The following CPEB1 variants were observed in gnomAD, a reference collection of about 807,000 sequenced individuals.
CPEB1 encodes the protein cytoplasmic polyadenylation element binding protein 1, also known as cytoplasmic polyadenylation element-binding protein 1.
A neutral mutation model predicts 65.8 loss-of-function variants in CPEB1; 7 were observed. The observed-to-expected ratio is 0.11, with a 90% CI of 0.06 to 0.20. The LOEUF (loss-of-function observed/expected upper bound fraction) is 0.20. Ranked by LOEUF, CPEB1 falls within the 10% of genes least tolerant of loss-of-function variation. CPEB1 has a pLI of 1.00. For synonymous variants in CPEB1, 262 were observed against 260.0 expected, an observed-to-expected ratio of 1.01 and a Z score of -0.08; for missense variants, 551 against 712.2, an observed-to-expected ratio of 0.77 and a Z score of 2.58.
chr15:82,577,355 G>A (rs1217453516), intron 3 of CPEB1, among the ~76,000 whole-genome samples: 1 of 151,422 alleles, frequency 6.6e-6, no homozygotes, highest in East Asian at 2.0e-4. Context: ...CACTGTGCCC[G>A]ACTGCAAAGG....
At chr15:82,604,409 G>A (rs1048859267) in intron 3 of CPEB1, among the ~76,000 whole-genome samples, 2 of 151,614 alleles carry the variant, frequency 1.3e-5, no homozygotes, top group African/African-American at 2.4e-5. Context: ...GAGAACCCAG[G>A]AGGCGGAGCT....
chr15:82,643,546 T>C (rs1192257921), intron 1 of CPEB1, among the ~76,000 whole-genome samples: 1 of 152,028 alleles, frequency 6.6e-6, no homozygotes, highest in Non-Finnish European at 1.5e-5. Flanking sequence ...GAAGAATTGC[T>C]TGAACCCCAG....
At chr15:82,644,124 T>C (rs1389219436) in intron 1 of CPEB1, among the ~76,000 whole-genome samples, 1 of 152,194 alleles carries the variant, frequency 6.6e-6, no homozygotes, top group Admixed American at 6.5e-5. Flanking sequence ...CTGACATACA[T>C]TGTGGAATGA....
chr15:82,592,623 T>C (rs1446386695), intron 3 of CPEB1, among the ~76,000 whole-genome samples: 6 of 150,548 alleles, frequency 4.0e-5, no homozygotes, highest in Admixed American at 2.0e-4. Context: ...GTCTATTAAA[T>C]GTGTAATAGC....
At position 82,543,935 on chromosome 15, in the gene CPEB1, T is replaced by C. The variant is rs1011589447; in HGVS notation, c.*657A>G. On this transcript the variant is annotated 3_prime_UTR_variant, in exon 13 of 13. Transcript: ENST00000684509. ...TTAAAAGCTGCCAGGAAAGAAAAAA[T>C]ATCTTGTTCCAAACGACTTAAAAAC... 1.3e-5 allele frequency: 2 copies of C among 152,012 alleles called. No individual in the cohort carries two copies. Among genetic ancestry groups the C allele is most frequent in the Non-Finnish European group, 2.9e-5 (2 of 67,994 alleles). 9.4% of individuals were successfully genotyped at this position (152,012 alleles called of 1,614,324 possible).
intron 3 of CPEB1, among the ~76,000 whole-genome samples, chr15:82,579,763 T>C (rs375593530): frequency 1.3e-3 from 186 of 148,548 alleles, no homozygotes; most frequent in African/African-American, 4.4e-3. Context: ...ATACAAAAAA[T>C]TAGCCGGGCG....
At chr15:82,552,666 TC>T in intron 8 of CPEB1, 50 bp from the exon 9 acceptor site, 1 of 1,564,878 alleles carries the variant, frequency 6.4e-7, no homozygotes, top group South Asian at 1.1e-5. Context: ...AGGTGGCCAC[TC>T]CTCAGCCTTG....
At position 82,573,182 on chromosome 15, in the gene CPEB1, G is replaced by C. The variant is rs569397889; in HGVS notation, c.272-1650C>G. 2.0e-6 allele frequency: 3 copies of C among 1,531,162 alleles called. No individual in the cohort carries two copies. In the African/African-American group the frequency reaches 4.1e-5, roughly 21 times the overall value. The allele number at this position is 1,531,162 out of a possible 1,614,324, so 94.8% of individuals were successfully genotyped here. On this transcript the variant is annotated intron_variant, in intron 3 of 12. Transcript: ENST00000684509. ...TCCTGCAGTACACCCTGTGTCCACA[G>C]GCACTCAGGCATAGCCTAGAAGGGA...
intron 3 of CPEB1, among the ~76,000 whole-genome samples, chr15:82,596,552 G>T (rs1459947626): frequency 6.6e-6 from 1 of 151,976 alleles, no homozygotes; most frequent in Non-Finnish European, 1.5e-5. Context: ...CAAAAAATTA[G>T]CTGGGCATGG....
chr15:82,608,712 G>C (rs957954367), intron 3 of CPEB1, among the ~76,000 whole-genome samples: 1 of 152,140 alleles, frequency 6.6e-6, no homozygotes, highest in Non-Finnish European at 1.5e-5. Flanking sequence ...TATGTAGGAA[G>C]AATTTCAGAG....
chr15:82,594,190 G>A (rs1454314067), intron 3 of CPEB1, among the ~76,000 whole-genome samples: 1 of 152,182 alleles, frequency 6.6e-6, no homozygotes, highest in Non-Finnish European at 1.5e-5. Flanking sequence ...TCTTCCAAGA[G>A]AAGGCTGTTT....
At chr15:82,631,187 A>G (rs1168778056) in intron 1 of CPEB1, among the ~76,000 whole-genome samples, 1 of 152,178 alleles carries the variant, frequency 6.6e-6, no homozygotes, top group Non-Finnish European at 1.5e-5. Flanking sequence ...AAAAAATCTA[A>G]TTTAGGAATG....
At chr15:82,632,680 A>C (rs755170440) in intron 1 of CPEB1, among the ~76,000 whole-genome samples, 1 of 151,368 alleles carries the variant, frequency 6.6e-6, no homozygotes, top group African/African-American at 2.4e-5. Flanking sequence ...ATGCCCAGCT[A>C]ATTTTTTTTT....
In CPEB1 at chr15:82,544,680, C is replaced by T; in HGVS notation, c.1679G>A (p.Arg560Gln). ...GCTGTGCCGCCAGTGCCAGCAGCTC[C>T]GGCAGAAGTATTTGAAGCAGACCTG... The part of the protein sequence containing the change: ...RDQVCFKYFC[R>Q]SCWHWRHSME... The change falls in exon 13 of 13, where the codon CGG becomes CAG. Residue 560 changes from arginine (R) to glutamine (Q), a missense_variant. Arg to Gln is a conservative substitution (Grantham distance 43, BLOSUM62 1). Transcript: ENST00000684509. 5 of 1,613,416 alleles carry T rather than the reference C, an allele frequency of 3.1e-6. No individual in the cohort carries two copies. The highest frequency in any genetic ancestry group is 1.1e-5 in the South Asian group (1 of 90,972).
At chr15:82,560,518 C>T (rs1190118200) in intron 4 of CPEB1, among the ~76,000 whole-genome samples, 1 of 150,784 alleles carries the variant, frequency 6.6e-6, no homozygotes, top group African/African-American at 2.4e-5. Flanking sequence ...GCCTCTAGAA[C>T]AGCTGGGACT....
At chr15:82,599,948 A>G (rs1006217890) in intron 3 of CPEB1, among the ~76,000 whole-genome samples, 1 of 152,186 alleles carries the variant, frequency 6.6e-6, no homozygotes, top group Non-Finnish European at 1.5e-5. Flanking sequence ...GACACAAAAG[A>G]TAGAATGAGA....
intron 3 of CPEB1, among the ~76,000 whole-genome samples, chr15:82,604,141 G>A (rs939516265): frequency 1.3e-5 from 2 of 152,136 alleles, no homozygotes; most frequent in East Asian, 1.9e-4. Flanking sequence ...TTGAGGCCAG[G>A]AGTTCAAGCC....
rs35267620 is a variant in CPEB1, at chr15:82,617,724, G to GTTT, written c.271+9466_271+9468dup. 1.6e-3 allele frequency among the ~76,000 whole-genome samples: 138 copies of GTTT among 83,864 alleles called. 7 individuals are homozygous for GTTT. Among genetic ancestry groups the GTTT allele is most frequent in the South Asian group, 2.4e-3 (5 of 2,058 alleles). 55.0% of individuals were successfully genotyped at this position (83,864 alleles called of 152,430 possible). ...ATTAATTGTTATTAATTCTATTAAA[G>GTTT]TTTTTTTTTTTTTTTTTTTTTTTTT... On this transcript the variant is annotated intron_variant, in intron 3 of 12. Coordinates refer to ENST00000684509, the MANE Select transcript of CPEB1 (RefSeq NM_001365242.1).
At chr15:82,555,298 C>G (rs1428380475) in intron 6 of CPEB1, among the ~76,000 whole-genome samples, 1 of 152,214 alleles carries the variant, frequency 6.6e-6, no homozygotes, top group African/African-American at 2.4e-5. Flanking sequence ...CCCAGGCCAG[C>G]CTAAGATTAA....
Sources: allele counts gnomAD v4.1 joint callset (sites outside exome capture counted in the v4.1 genomes callset), GRCh38; gene constraint gnomAD v4.1.1; transcripts MANE v1.5; gene names NCBI Gene and HGNC (gene_info 2026-07-23, HGNC 2026-07-21).